STXBP4: variants seen among roughly 807,000 people sequenced by gnomAD.
STXBP4 encodes the protein syntaxin binding protein 4, also known as syntaxin-binding protein 4.
A neutral mutation model predicts 76.1 loss-of-function variants in STXBP4; 55 were observed. The ratio of observed to expected loss-of-function variants is 0.72; its 90% CI spans 0.58 to 0.91. The LOEUF (loss-of-function observed/expected upper bound fraction) is 0.91, where lower values mean the gene tolerates loss of function less well. STXBP4 is among the 40% of genes least tolerant of loss of function. STXBP4 has a pLI of 0.00. For missense variants in STXBP4, 618 were observed against 636.9 expected (o/e 0.97, Z 0.32); for synonymous variants, 201 against 220.2 (o/e 0.91, Z 0.77).
At chr17:55,190,534 T>A in the STXBP4 span, among the ~76,000 whole-genome samples, 1 of 152,104 alleles carries the variant, frequency 6.6e-6, no homozygotes, top group Admixed American at 6.5e-5. Flanking sequence ...AAAGAGAAAC[T>A]ATAAAGTCTG....
chr17:55,068,147 C>T (rs1002609452), intron 12 of STXBP4, among the ~76,000 whole-genome samples: 2 of 152,090 alleles, frequency 1.3e-5, no homozygotes, highest in Non-Finnish European at 2.9e-5. Flanking sequence ...AATTCAATAG[C>T]TCTTTTCCTG....
intron 17 of STXBP4, among the ~76,000 whole-genome samples, chr17:55,150,861 G>A (rs2145174629): frequency 6.6e-6 from 1 of 152,268 alleles, no homozygotes; most frequent in South Asian, 2.1e-4. Context: ...TAAAGTTGCA[G>A]GTAGAATTAA....
chr17:55,081,010 ATTGTG>A, intron 15 of STXBP4, 35 bp from the exon 16 acceptor site: 1 of 1,383,204 alleles, frequency 7.2e-7, no homozygotes, highest in Non-Finnish European at 9.4e-7. Context: ...GATGTTGTTT[ATTGTG>A]TAGTAAGTTC....
the STXBP4 span, among the ~76,000 whole-genome samples, chr17:55,185,225 CT>C: frequency 1.2e-4 from 5 of 41,734 alleles, no homozygotes; most frequent in South Asian, 8.1e-4. Context: ...TCTTCTTCTT[CT>C]TCTTCTTCTT....
At chr17:54,975,718 A>G (rs2077464196) in intron 1 of STXBP4, among the ~76,000 whole-genome samples, 1 of 152,128 alleles carries the variant, frequency 6.6e-6, no homozygotes, top group African/African-American at 2.4e-5. Flanking sequence ...AGACCCTAGG[A>G]AATCCAGACC....
At chr17:54,988,993 T>C (rs1231805362) in intron 3 of STXBP4, among the ~76,000 whole-genome samples, 1 of 152,270 alleles carries the variant, frequency 6.6e-6, no homozygotes, top group Non-Finnish European at 1.5e-5. Flanking sequence ...AAAAATTTCT[T>C]CTTTTTAGAA....
At chr17:55,142,076 C>G (rs1046959998) in intron 17 of STXBP4, among the ~76,000 whole-genome samples, 4 of 152,110 alleles carry the variant, frequency 2.6e-5, no homozygotes, top group African/African-American at 9.7e-5. Flanking sequence ...ATTACCAAGT[C>G]AGAACTAGAG....
intron 8 of STXBP4, among the ~76,000 whole-genome samples, chr17:55,010,809 A>G (rs1335799396): frequency 6.6e-6 from 1 of 152,178 alleles, no homozygotes; most frequent in Non-Finnish European, 1.5e-5. Context: ...AAGGTGTGTG[A>G]CTAATATTGT....
intron 17 of STXBP4, 68 bp downstream of exon 17, chr17:55,141,435 A>C: frequency 7.4e-7 from 1 of 1,359,870 alleles, no homozygotes; most frequent in African/African-American, 1.5e-5. Context: ...GAAGTTGCAG[A>C]ATAATCAGCA....
At chr17:55,211,804 T>G in the STXBP4 span, among the ~76,000 whole-genome samples, 6,662 of 101,452 alleles carry the variant, frequency 0.066, 246 homozygotes, top group Middle Eastern at 0.12. Flanking sequence ...TTGTTGTTTT[T>G]TTTTTTTTTT....
chr17:55,124,820 C>A (rs1013125315), intron 16 of STXBP4, among the ~76,000 whole-genome samples: 1 of 152,188 alleles, frequency 6.6e-6, no homozygotes, highest in East Asian at 1.9e-4. Flanking sequence ...AAGCTTCATT[C>A]GAGATCTCTT....
chr17:55,054,939 G>C (rs2078905740), intron 12 of STXBP4, among the ~76,000 whole-genome samples: 1 of 152,070 alleles, frequency 6.6e-6, no homozygotes, highest in South Asian at 2.1e-4. Context: ...GAAAATCATG[G>C]CATAAAAGGG....
intron 17 of STXBP4, among the ~76,000 whole-genome samples, chr17:55,145,618 TGA>T (rs1308612734): frequency 6.6e-6 from 1 of 152,244 alleles, no homozygotes; most frequent in African/African-American, 2.4e-5. Flanking sequence ...ACTTAAATTC[TGA>T]TGCAAGAGAA....
At chr17:55,135,067 A>G (rs975341488) in intron 16 of STXBP4, among the ~76,000 whole-genome samples, 2 of 152,150 alleles carry the variant, frequency 1.3e-5, no homozygotes, top group African/African-American at 4.8e-5. Flanking sequence ...TTTTGCATCT[A>G]TTGGGAAGAT....
At chr17:55,123,921 C>T (rs1048435276) in intron 16 of STXBP4, among the ~76,000 whole-genome samples, 1 of 151,486 alleles carries the variant, frequency 6.6e-6, no homozygotes, top group Non-Finnish European at 1.5e-5. Context: ...GAAGATAAAA[C>T]GAGAAATATG....
At chr17:55,183,002 GAATA>G in the STXBP4 span, among the ~76,000 whole-genome samples, 2 of 152,014 alleles carry the variant, frequency 1.3e-5, no homozygotes, top group East Asian at 3.9e-4. Context: ...TCAAATAAAA[GAATA>G]AATATGTGAT....
chr17:55,110,378 A>T (rs894653272), intron 16 of STXBP4, among the ~76,000 whole-genome samples: 26 of 152,280 alleles, frequency 1.7e-4, no homozygotes, highest in African/African-American at 6.0e-4. Context: ...GAGGGCTATT[A>T]TTCTGCCTAT....
Position 55,002,823 on chromosome 17 carries a change from T to A in STXBP4, c.574+1940T>A, listed in dbSNP as rs555482747. 3.9e-5 allele frequency among the ~76,000 whole-genome samples: 6 copies of A among 152,324 alleles called. No homozygotes were observed. In the East Asian group the frequency reaches 1.2e-3, roughly 29 times the overall value. ...GAGTTGTTATGAGGATTAAACAAGA[T>A]CTTGCATGTCAAGCACTTATATTGT... On this transcript the variant is annotated intron_variant, in intron 7 of 17. Coordinates refer to ENST00000376352, the MANE Select transcript of STXBP4 (RefSeq NM_178509.6).
At position 55,090,146 on chromosome 17, in the gene STXBP4, G is replaced by T. The variant is rs1598302078; in HGVS notation, c.1489+8963G>T. Among the ~76,000 whole-genome samples, 3 of 151,974 alleles carry T rather than the reference G, an allele frequency of 2.0e-5. No homozygotes were observed. The East Asian group carries it at 5.8e-4, about 29-fold the overall frequency. On this transcript the variant is annotated intron_variant, in intron 16 of 17. Transcript: ENST00000376352. ...TGAATAAAGTCAAAGACAGGCTGGG[G>T]GTAGGGGGCAGACGATCTCTTTTCA...
Sources: allele counts gnomAD v4.1 joint callset (sites outside exome capture counted in the v4.1 genomes callset), GRCh38; gene constraint gnomAD v4.1.1; transcripts MANE v1.5; gene names NCBI Gene and HGNC (gene_info 2026-07-23, HGNC 2026-07-21).